SLC37A3: variants seen among roughly 807,000 people sequenced by gnomAD.
SLC37A3 encodes solute carrier family 37 member 3, also known as sugar phosphate exchanger 3.
Under a neutral mutation model 67.1 loss-of-function variants are expected in SLC37A3, and 51 were observed. The observed-to-expected ratio is 0.76, with a 90% CI of 0.61 to 0.96. SLC37A3 has a LOEUF of 0.96. Among genes scored for constraint, SLC37A3 ranks in the 40% least tolerant of loss-of-function variants. The pLI is 0.00. For synonymous variants in SLC37A3, 214 were observed against 231.4 expected, an observed-to-expected ratio of 0.92 and a Z score of 0.68; for missense variants, 508 against 603.0, an observed-to-expected ratio of 0.84 and a Z score of 1.65.
chr7:140,336,950 T>C (rs1378135100), intron 14 of SLC37A3, among the ~76,000 whole-genome samples: 1 of 151,440 alleles, frequency 6.6e-6, no homozygotes, highest in Non-Finnish European at 1.5e-5. Flanking sequence ...AATACAAAAA[T>C]TAGCCGGGTG....
At chr7:140,388,799 G>A (rs991937172) in intron 1 of SLC37A3, among the ~76,000 whole-genome samples, 4 of 151,594 alleles carry the variant, frequency 2.6e-5, no homozygotes, top group African/African-American at 9.7e-5. Context: ...ACAAGAGCAA[G>A]ACTCCATCTT....
chr7:140,341,623 A>G (rs959459908), intron 13 of SLC37A3, among the ~76,000 whole-genome samples: 2 of 152,156 alleles, frequency 1.3e-5, no homozygotes, highest in Non-Finnish European at 2.9e-5. Context: ...ATGGAAGAGG[A>G]ATGAGTAAAG....
At position 140,390,297 on chromosome 7, in the gene SLC37A3, CAG is replaced by C. The variant is rs1199901961; in HGVS notation, c.-70-7703_-70-7702del. 5.9e-5 allele frequency among the ~76,000 whole-genome samples: 9 copies of C among 152,044 alleles called. No homozygotes were observed. In the South Asian group the frequency reaches 1.7e-3, roughly 28 times the overall value. On this transcript the variant is annotated intron_variant, in intron 1 of 14. Coordinates refer to ENST00000326232, the MANE Select transcript of SLC37A3 (RefSeq NM_207113.3). The stretch of plus-strand genomic sequence containing the variant: ...CCCTTTTGACCATGCTCTCTGGAAA[CAG>C]AGATACACGGTTAGCAAGCCTCGTA...
intron 13 of SLC37A3, among the ~76,000 whole-genome samples, chr7:140,339,513 G>A (rs1260599454): frequency 4.0e-5 from 6 of 151,876 alleles, no homozygotes; most frequent in East Asian, 1.9e-4. Flanking sequence ...TGCCCACCTC[G>A]GTCTCCCAAA....
chr7:140,368,104 G>A (rs1339565950), intron 4 of SLC37A3, among the ~76,000 whole-genome samples: 4 of 151,662 alleles, frequency 2.6e-5, no homozygotes, highest in East Asian at 2.0e-4. Context: ...GTGGGCCACC[G>A]CGCCCAGCCC....
At chr7:140,362,554 G>GGA (rs1471576543) in intron 5 of SLC37A3, among the ~76,000 whole-genome samples, 4 of 123,808 alleles carry the variant, frequency 3.2e-5, no homozygotes, top group Admixed American at 7.7e-5. Context: ...GAGGTGGGGG[G>GGA]TCAGCCCCCC....
chr7:140,377,090 T>C (rs1798061181), intron 3 of SLC37A3, among the ~76,000 whole-genome samples: 1 of 151,966 alleles, frequency 6.6e-6, no homozygotes, highest in Non-Finnish European at 1.5e-5. Context: ...ACTACAGGCA[T>C]GCATCACCAT....
At chr7:140,390,337 A>G (rs920812307) in intron 1 of SLC37A3, among the ~76,000 whole-genome samples, 1 of 151,994 alleles carries the variant, frequency 6.6e-6, no homozygotes, top group Non-Finnish European at 1.5e-5. Flanking sequence ...TTTCCTCTCT[A>G]GAAACCTAGT....
chr7:140,341,449 G>A (rs1051877222), intron 13 of SLC37A3, among the ~76,000 whole-genome samples: 6 of 152,106 alleles, frequency 3.9e-5, no homozygotes, highest in Non-Finnish European at 7.4e-5. Flanking sequence ...GCAACCTGAA[G>A]AAGAAACAAT....
At position 140,355,713 on chromosome 7, in the gene SLC37A3, A is replaced by G; in HGVS notation, c.573T>C (p.Ile191=). 6.2e-7 allele frequency: 1 copy of G among 1,613,840 alleles called. No individual in the cohort carries two copies. Among genetic ancestry groups the G allele is most frequent in the Non-Finnish European group, 8.5e-7 (1 of 1,179,904 alleles). Residue 191 remains isoleucine, a synonymous_variant, in exon 7 of 15, where the codon ATT becomes ATC. Transcript: ENST00000326232. ...CAGAAGAAGCTAGGCACGCTCCCAA[A>G]ATGTTGCCCACCGAAGCACAGGCAC... ...LWSACASVGN[I]LGACLASSVL... is the part of the protein sequence containing the mutation.
chr7:140,343,287 T>C (rs2117033935), intron 13 of SLC37A3, 125 bp downstream of exon 13: 4 of 1,356,564 alleles, frequency 2.9e-6, no homozygotes, highest in African/African-American at 2.9e-5. Context: ...ACGGAAGTCC[T>C]TGGGCTCTGG....
In SLC37A3 at chr7:140,367,711, G is replaced by A. The variant is rs116335225; in HGVS notation, c.291+1879C>T. On this transcript the variant is annotated intron_variant, in intron 4 of 14. Transcript: ENST00000326232. Reference sequence around the variant, plus strand: ...GAACTCTAATGTGGCATCCACCACAGCTGTTCCTACAGCCAGACAGAGACG... The same window carrying A: ...GAACTCTAATGTGGCATCCACCACAACTGTTCCTACAGCCAGACAGAGACG... Among the ~76,000 whole-genome samples, 773 of 152,132 alleles carry A rather than the reference G, an allele frequency of 5.1e-3. 17 individuals carry two copies. The highest frequency in any genetic ancestry group is 0.05 in the South Asian group (239 of 4,816).
intron 13 of SLC37A3, among the ~76,000 whole-genome samples, chr7:140,343,153 C>A (rs61639090): frequency 0.034 from 5,179 of 152,248 alleles, 295 homozygotes; most frequent in African/African-American, 0.12. Context: ...AAGGATCTGT[C>A]TGTCTTACGA....
At chr7:140,364,038 C>A (rs1196839708) in intron 5 of SLC37A3, among the ~76,000 whole-genome samples, 1 of 152,166 alleles carries the variant, frequency 6.6e-6, no homozygotes, top group African/African-American at 2.4e-5. Context: ...AGGAGGATCA[C>A]CTGAGGCCAG....
At chr7:140,337,778 AT>A (rs771770511) in intron 13 of SLC37A3, 1 of 153,994 alleles carries the variant, frequency 6.5e-6, no homozygotes, top group African/African-American at 2.4e-5. Context: ...CCTACAGCAT[AT>A]TCTTTTATTT....
At chr7:140,363,065 T>A (rs62490378) in intron 5 of SLC37A3, among the ~76,000 whole-genome samples, 49 of 61,226 alleles carry the variant, frequency 8.0e-4, no homozygotes, top group African/African-American at 9.5e-4. Context: ...TCAGGGAGGG[T>A]GGTGGGGGGG....
Position 140,351,295 on chromosome 7 carries a change from C to G in SLC37A3, c.860G>C (p.Cys287Ser). 2.5e-6 allele frequency: 4 copies of G among 1,614,096 alleles called. No individual in the cohort carries two copies. Among genetic ancestry groups the G allele is most frequent in the Non-Finnish European group, 1.7e-6 (2 of 1,179,962 alleles). ...TACCGGTATGACTCCAGGAAGGCAA[C>G]ATGCCTGGTAGAAGCTTATCGCCTT... ...QVKAISFYQA[C>S]CLPGVIPYSL... The change falls in exon 9 of 15, where the codon TGT (cysteine) becomes TCT (serine). Residue 287 changes from cysteine (C) to serine (S), a missense_variant. Cys to Ser is a moderately radical substitution (Grantham distance 112). Transcript: ENST00000326232.
intron 11 of SLC37A3, 133 bp downstream of exon 11, chr7:140,345,736 G>A: frequency 1.4e-6 from 1 of 713,574 alleles, no homozygotes; most frequent in South Asian, 1.6e-5. Context: ...ACAGGACAAT[G>A]CAAAGGTGGC....
chr7:140,387,714 CTA>C lies in SLC37A3; in HGVS notation c.-70-5120_-70-5119del, dbSNP rs1186660979. Among the ~76,000 whole-genome samples, 88 of 11,266 alleles carry C rather than the reference CTA, an allele frequency of 7.8e-3. 1 individual carries two copies. Among genetic ancestry groups the C allele is most frequent in the Middle Eastern group, 0.036 (1 of 28 alleles). 7.4% of individuals were successfully genotyped at this position (11,266 alleles called of 152,430 possible). On this transcript the variant is annotated intron_variant, in intron 1 of 14. Coordinates refer to ENST00000326232, the MANE Select transcript of SLC37A3 (RefSeq NM_207113.3). ...TATATATTATATAAATATAAATATA[CTA>C]TATATATTATATAAATATACTATAT...
Sources: gnomAD v4.1 joint callset for allele counts (sites outside exome capture counted in the v4.1 genomes callset) on GRCh38, gnomAD v4.1.1 for gene constraint, MANE v1.5 for transcripts, NCBI Gene and HGNC (gene_info 2026-07-23, HGNC 2026-07-21) for gene names.